The following PUM1 variants were observed in gnomAD, a reference collection of about 807,000 sequenced individuals.
PUM1 encodes the protein pumilio RNA binding family member 1, also known as pumilio homolog 1.
PUM1 carries 13 observed loss-of-function variants against 131.8 expected under a neutral mutation model. The ratio of observed to expected loss-of-function variants is 0.10; its 90% CI spans 0.06 to 0.16. The LOEUF is 0.16. Among genes scored for constraint, PUM1 ranks in the 10% least tolerant of loss-of-function variants. The pLI, the probability that PUM1 is intolerant of heterozygous loss-of-function variation, is 1.00. For synonymous variants in PUM1, 509 were observed against 556.5 expected, an observed-to-expected ratio of 0.91 and a Z score of 1.20; for missense variants, 961 against 1,512.4, an observed-to-expected ratio of 0.64 and a Z score of 6.05.
intron 12 of PUM1, among the ~76,000 whole-genome samples, chr1:30,966,682 T>C (rs1640634710): frequency 6.6e-6 from 1 of 152,224 alleles, no homozygotes; most frequent in African/African-American, 2.4e-5. Context: ...TTCTAGATGT[T>C]CCTGTTATTG....
intron 2 of PUM1, among the ~76,000 whole-genome samples, chr1:31,054,516 CA>C (rs1644191239): frequency 1.5e-5 from 2 of 134,820 alleles, no homozygotes; most frequent in African/African-American, 5.6e-5. Context: ...AACTTTGTTC[CA>C]TTATGCCAAA....
At chr1:30,948,974 TC>T (rs1024582388) in intron 17 of PUM1, 35 of 402,964 alleles carry the variant, frequency 8.7e-5, no homozygotes, top group African/African-American at 7.0e-4. Context: ...CATTCCTTTC[TC>T]CCTTCACCAG....
At chr1:31,009,302 C>T (rs1204094223) in intron 3 of PUM1, among the ~76,000 whole-genome samples, 1 of 151,930 alleles carries the variant, frequency 6.6e-6, no homozygotes, top group Non-Finnish European at 1.5e-5. Flanking sequence ...AAAGCAAAAG[C>T]AACTACTCTT....
In PUM1 at chr1:31,059,204, C is replaced by T. The variant is rs1269793021; in HGVS notation, c.363G>A (p.Gln121=). ...GCTAAAATAGTGAACTTTTTTTTAC[C>T]TGATGTTCTGCATGAATGTTATCCC... is the stretch of plus-strand genomic sequence containing the variant. ...PTGDNIHAEH[Q]VRSMDELNHD... is the part of the protein sequence containing the mutation. Residue 121 remains glutamine, a splice_region_variant and synonymous_variant, in exon 2 of 22, where the codon CAG becomes CAA. Transcript: ENST00000426105. The T allele has an allele frequency of 1.3e-6, 2 of 1,555,486 alleles. No homozygotes were observed. The highest frequency in any genetic ancestry group is 4.0e-5 in the Admixed American group (2 of 49,964).
At chr1:31,065,159 T>TTCC (rs934331795) in intron 1 of PUM1, among the ~76,000 whole-genome samples, 7 of 152,248 alleles carry the variant, frequency 4.6e-5, no homozygotes, top group African/African-American at 1.4e-4. Flanking sequence ...CGATTTATTG[T>TTCC]TCCTCCTCCT....
chr1:31,015,632 C>G (rs1557586996), intron 3 of PUM1, among the ~76,000 whole-genome samples: 1 of 151,288 alleles, frequency 6.6e-6, no homozygotes, highest in Admixed American at 6.6e-5. Flanking sequence ...TGAGCCATCA[C>G]GCCCAGCCAC....
intron 10 of PUM1, among the ~76,000 whole-genome samples, chr1:30,973,932 A>G (rs1246373786): frequency 6.6e-6 from 1 of 152,166 alleles, no homozygotes; most frequent in Non-Finnish European, 1.5e-5. Flanking sequence ...TACTAAAAAT[A>G]CAAAAATTAG....
intron 3 of PUM1, among the ~76,000 whole-genome samples, chr1:31,019,903 C>T (rs1056268319): frequency 6.6e-6 from 1 of 151,264 alleles, no homozygotes. Flanking sequence ...GAATAAACTA[C>T]ACAAGGTTTT....
chr1:30,950,775 C>T (rs1406006598), intron 16 of PUM1, among the ~76,000 whole-genome samples: 3 of 152,178 alleles, frequency 2.0e-5, no homozygotes, highest in Non-Finnish European at 2.9e-5. Context: ...GCAGGAGAAT[C>T]GCTTGAACCC....
chr1:30,972,125 C>T (rs887487414), intron 10 of PUM1, among the ~76,000 whole-genome samples: 2 of 150,348 alleles, frequency 1.3e-5, no homozygotes, highest in African/African-American at 4.9e-5. Context: ...TATGGTGGCA[C>T]GTGCCTGTAA....
intron 11 of PUM1, 52 bp downstream of exon 11, chr1:30,968,302 A>T (rs1287177980): frequency 2.0e-5 from 32 of 1,591,272 alleles, no homozygotes; most frequent in Non-Finnish European, 1.5e-5. Context: ...ATCACCTCAA[A>T]CGTGCAGCCT....
chr1:30,952,966 ACT>A (rs905488834), intron 15 of PUM1, among the ~76,000 whole-genome samples: 12 of 151,900 alleles, frequency 7.9e-5, no homozygotes, highest in African/African-American at 2.9e-4. Context: ...ACAGAGCAAG[ACT>A]CTGTCTCAAA....
intron 7 of PUM1, among the ~76,000 whole-genome samples, chr1:30,990,243 A>G (rs541191629): frequency 6.6e-6 from 1 of 152,348 alleles, no homozygotes; most frequent in East Asian, 1.9e-4. Flanking sequence ...TGCAGAGGAA[A>G]TGGGGTAAGG....
At chr1:30,970,860 G>C (rs956497954) in intron 10 of PUM1, among the ~76,000 whole-genome samples, 1 of 152,154 alleles carries the variant, frequency 6.6e-6, no homozygotes, top group Non-Finnish European at 1.5e-5. Context: ...TAAAGAAGTA[G>C]GTTTATGTTT....
At position 31,002,737 on chromosome 1, in the gene PUM1, A is replaced by G. The variant is rs1391616445; in HGVS notation, c.720+3116T>C. Among the ~76,000 whole-genome samples, 7 of 152,340 alleles carry G rather than the reference A, an allele frequency of 4.6e-5. No homozygotes were observed. The East Asian group carries it at 9.6e-4, about 21-fold the overall frequency. On this transcript the variant is annotated intron_variant, in intron 5 of 21. Coordinates refer to ENST00000426105, the MANE Select transcript of PUM1 (RefSeq NM_001020658.2). ...ATTATTCTGAAAGCTGCTCTCCTAA[A>G]GTTTGAGATTCCTATGTGGAATACT... is the stretch of plus-strand genomic sequence containing the variant.
intron 2 of PUM1, among the ~76,000 whole-genome samples, chr1:31,045,144 T>C (rs986401550): frequency 2.2e-5 from 3 of 138,194 alleles, no homozygotes; most frequent in South Asian, 2.2e-4. Flanking sequence ...GTAAAGCTGC[T>C]TTTTTTTTTT....
intron 19 of PUM1, 64 bp from the exon 20 acceptor site, chr1:30,941,336 T>C: frequency 6.7e-7 from 1 of 1,492,726 alleles, no homozygotes; most frequent in Non-Finnish European, 9.1e-7. Context: ...GTTACTTAAG[T>C]CCTTATATCT....
chr1:31,057,783 T>C (rs1038109203), intron 2 of PUM1, among the ~76,000 whole-genome samples: 1 of 145,694 alleles, frequency 6.9e-6, no homozygotes, highest in Non-Finnish European at 1.5e-5. Flanking sequence ...TCAGAGGAAG[T>C]ATAATAAAAT....
chr1:31,041,938 G>C (rs1405484992), intron 2 of PUM1, among the ~76,000 whole-genome samples: 1 of 151,920 alleles, frequency 6.6e-6, no homozygotes, highest in Non-Finnish European at 1.5e-5. Flanking sequence ...AAAAATATTA[G>C]AACACTTCCA....
Sources: gnomAD v4.1 joint callset for allele counts (sites outside exome capture counted in the v4.1 genomes callset) on GRCh38, gnomAD v4.1.1 for gene constraint, MANE v1.5 for transcripts, NCBI Gene and HGNC (gene_info 2026-07-23, HGNC 2026-07-21) for gene names.